The following LPGAT1 variants were observed in gnomAD, a reference collection of about 807,000 sequenced individuals.
LPGAT1 encodes the protein acyl-CoA:lysophosphatidylglycerol acyltransferase 1.
LPGAT1 carries 11 observed loss-of-function variants against 47.5 expected under a neutral mutation model. The observed-to-expected ratio is 0.23, with a 90% CI of 0.15 to 0.38. The LOEUF is 0.38. Ranked by LOEUF, LPGAT1 falls within the 10% of genes least tolerant of loss-of-function variation. The pLI is 1.00. For missense variants in LPGAT1, 293 were observed against 439.0 expected, an observed-to-expected ratio of 0.67 and a Z score of 2.97; for synonymous variants, 138 against 144.2, an observed-to-expected ratio of 0.96 and a Z score of 0.31.
intron 4 of LPGAT1, among the ~76,000 whole-genome samples, chr1:211,785,020 G>A (rs1375038839): frequency 5.3e-5 from 8 of 151,988 alleles, no homozygotes; most frequent in Admixed American, 5.2e-4. Context: ...AGCCAGGATG[G>A]TCTCGATCTC....
chr1:211,830,522 G>GC lies in LPGAT1; in HGVS notation c.-28+50dup, dbSNP rs1335045980. On this transcript the variant is annotated intron_variant, in intron 1 of 7. Transcript: ENST00000366997. This position sits in a 1 kb window ranked among gnomAD's most constrained non-coding sequence, Gnocchi z 5.9. ...TTCCCCGCCCCCAGCGCCTCCCCTG[G>GC]CCCGGCTCCGCTGCCGCTCTGGGGC... 2.2e-5 allele frequency: 27 copies of GC among 1,201,716 alleles called. No individual in the cohort carries two copies. The highest frequency in any genetic ancestry group is 2.4e-5 in the Non-Finnish European group (23 of 968,256). 74.4% of individuals were successfully genotyped at this position (1,201,716 alleles called of 1,614,324 possible). A position where few individuals can be genotyped will look rare whatever the true frequency, so the allele number is the denominator to read the frequency against.
At chr1:211,791,849 T>G (rs1385010748) in intron 3 of LPGAT1, among the ~76,000 whole-genome samples, 1 of 151,206 alleles carries the variant, frequency 6.6e-6, no homozygotes, top group Non-Finnish European at 1.5e-5. Context: ...AGCACCTTGA[T>G]AAGATGAATT....
rs150231178 is a variant in LPGAT1, at chr1:211,758,604, G to A, written c.855-7537C>T. 7.3e-3 allele frequency among the ~76,000 whole-genome samples: 1,112 copies of A among 152,250 alleles called. 19 individuals carry two copies. Among genetic ancestry groups the A allele is most frequent in the African/African-American group, 0.025 (1,045 of 41,540 alleles). ...TGTAGTCCCAGCTACTCGGGAGGCT[G>A]AGGCAGGAGAATGGCATGAACCCAG... On this transcript the variant is annotated intron_variant, in intron 6 of 7. Transcript: ENST00000366997.
chr1:211,788,426 T>C (rs1243097147), intron 3 of LPGAT1, among the ~76,000 whole-genome samples: 1 of 152,172 alleles, frequency 6.6e-6, no homozygotes, highest in African/African-American at 2.4e-5. Context: ...CTCACGCCTG[T>C]AATCCCAGCA....
intron 3 of LPGAT1, among the ~76,000 whole-genome samples, chr1:211,791,743 T>A (rs1659120468): frequency 9.1e-6 from 1 of 109,910 alleles, no homozygotes; most frequent in Admixed American, 1.1e-4. Flanking sequence ...CAAGACTCCA[T>A]CTCAAAAAAA....
chr1:211,819,629 C>T (rs1320600222), intron 2 of LPGAT1, among the ~76,000 whole-genome samples: 1 of 152,136 alleles, frequency 6.6e-6, no homozygotes, highest in Admixed American at 6.6e-5. Context: ...GACAGTGTGG[C>T]ATGTGATGAA....
At chr1:211,780,589 T>C (rs1405522504) in intron 5 of LPGAT1, among the ~76,000 whole-genome samples, 2 of 152,224 alleles carry the variant, frequency 1.3e-5, no homozygotes, top group Non-Finnish European at 2.9e-5. Flanking sequence ...CCTTAAATTC[T>C]GTAAAGATTT....
chr1:211,773,291 C>T (rs755440307), intron 6 of LPGAT1, among the ~76,000 whole-genome samples: 3 of 152,076 alleles, frequency 2.0e-5, no homozygotes, highest in Non-Finnish European at 2.9e-5. Flanking sequence ...TTATCAATTA[C>T]AAATACCCTA....
At chr1:211,765,497 T>G (rs1284871207) in intron 6 of LPGAT1, among the ~76,000 whole-genome samples, 1 of 152,232 alleles carries the variant, frequency 6.6e-6, no homozygotes, top group Non-Finnish European at 1.5e-5. Flanking sequence ...GGAATTTTTG[T>G]ATTTGGGGGC....
chr1:211,774,009 G>A (rs1658283114), intron 6 of LPGAT1, among the ~76,000 whole-genome samples: 1 of 151,824 alleles, frequency 6.6e-6, no homozygotes, highest in Non-Finnish European at 1.5e-5. Flanking sequence ...GTAATAAATG[G>A]CTGAGATACA....
intron 6 of LPGAT1, among the ~76,000 whole-genome samples, chr1:211,762,406 A>T (rs1294241235): frequency 6.6e-6 from 1 of 152,208 alleles, no homozygotes; most frequent in Non-Finnish European, 1.5e-5. Context: ...TAGCTGGGAT[A>T]TTCTCTTCTC....
rs142802910 is a variant in LPGAT1 at position 211,756,384 on chromosome 1, G to T, written c.855-5317C>A. Among the ~76,000 whole-genome samples, 29 of 152,264 alleles carry T rather than the reference G, an allele frequency of 1.9e-4. No homozygotes were observed. The South Asian group carries it at 5.6e-3, about 29-fold the overall frequency. On this transcript the variant is annotated intron_variant, in intron 6 of 7. Transcript: ENST00000366997. The stretch of plus-strand genomic sequence containing the variant: ...CTCACTCTGTCACTCAGGCTGGAGC[G>T]TAGTGGCATGATCACAGCTCACAGC...
At chr1:211,798,233 T>G (rs1659426740) in intron 2 of LPGAT1, among the ~76,000 whole-genome samples, 1 of 152,136 alleles carries the variant, frequency 6.6e-6, no homozygotes, top group African/African-American at 2.4e-5. Flanking sequence ...AACAATAATA[T>G]CATTAATGCT....
intron 6 of LPGAT1, among the ~76,000 whole-genome samples, chr1:211,760,106 C>T (rs1407893865): frequency 2.0e-5 from 3 of 152,228 alleles, no homozygotes; most frequent in African/African-American, 7.2e-5. Context: ...TCTTAACTAA[C>T]TGGGCTATGC....
In LPGAT1 at chr1:211,776,059, T is replaced by C. The variant is rs181610211; in HGVS notation, c.854+2859A>G. On this transcript the variant is annotated intron_variant, in intron 6 of 7. Coordinates refer to ENST00000366997, the MANE Select transcript of LPGAT1 (RefSeq NM_014873.3). ...GACTTATCTATGTTGGCTCTTTTTTTTTTCTTTTAATTACAGAACTCTAGG... is the reference window on the plus strand; with the variant it reads ...GACTTATCTATGTTGGCTCTTTTTTCTTTCTTTTAATTACAGAACTCTAGG... 2.6e-5 allele frequency among the ~76,000 whole-genome samples: 4 copies of C among 152,168 alleles called. No homozygotes were observed. In the East Asian group the frequency reaches 7.7e-4, roughly 29 times the overall value.
At chr1:211,778,117 C>CG (rs775717330) in intron 6 of LPGAT1, among the ~76,000 whole-genome samples, 4 of 152,052 alleles carry the variant, frequency 2.6e-5, no homozygotes, top group Non-Finnish European at 4.4e-5. Context: ...CCGACGCAGG[C>CG]GGATCACAAG....
chr1:211,759,960 T>A (rs771907867), intron 6 of LPGAT1, among the ~76,000 whole-genome samples: 8 of 152,222 alleles, frequency 5.3e-5, no homozygotes, highest in Non-Finnish European at 1.2e-4. Context: ...ATTGCTATAT[T>A]ATCTTTATAA....
At chr1:211,788,421 G>A (rs991278598) in intron 3 of LPGAT1, among the ~76,000 whole-genome samples, 1 of 152,094 alleles carries the variant, frequency 6.6e-6, no homozygotes, top group Non-Finnish European at 1.5e-5. Context: ...AGTGGCTCAC[G>A]CCTGTAATCC....
chr1:211,750,159 G>A, intron 7 of LPGAT1, 109 bp from the exon 8 acceptor site: 3 of 933,220 alleles, frequency 3.2e-6, no homozygotes, highest in South Asian at 1.6e-5. Flanking sequence ...AGCACCTTCA[G>A]TGACTTTCCA....
Sources: gnomAD v4.1 joint callset for allele counts (sites outside exome capture counted in the v4.1 genomes callset) on GRCh38, gnomAD v4.1.1 for gene constraint, Gnocchi (gnomAD v3.1) non-coding constraint, MANE v1.5 for transcripts, NCBI Gene and HGNC (gene_info 2026-07-23, HGNC 2026-07-21) for gene names.